Variants in SCMH1 observed in about 807,000 individuals in gnomAD.
SCMH1 encodes the protein polycomb protein SCMH1.
A neutral mutation model predicts 70.8 loss-of-function variants in SCMH1; 37 were observed. The ratio of observed to expected loss-of-function variants is 0.52; its 90% CI spans 0.40 to 0.69. The LOEUF is 0.69. Among genes scored for constraint, SCMH1 ranks in the 30% least tolerant of loss-of-function variants. The pLI is 0.00. For synonymous variants in SCMH1, 292 were observed against 307.4 expected, an observed-to-expected ratio of 0.95 and a Z score of 0.52; for missense variants, 607 against 827.3, an observed-to-expected ratio of 0.73 and a Z score of 3.27.
chr1:41,227,435 T>G (rs1420015501), intron 1 of SCMH1, among the ~76,000 whole-genome samples: 1 of 152,212 alleles, frequency 6.6e-6, no homozygotes, highest in African/African-American at 2.4e-5. Flanking sequence ...GAAAGGAAAT[T>G]CTGACACACG....
intron 4 of SCMH1, chr1:41,152,726 C>T (rs1645179173): frequency 6.2e-7 from 1 of 1,605,274 alleles, no homozygotes; most frequent in South Asian, 1.1e-5. Context: ...TTGGGCCATG[C>T]AAAAAGCACT....
intron 1 of SCMH1, among the ~76,000 whole-genome samples, chr1:41,237,270 G>T (rs10493094): frequency 0.078 from 11,872 of 152,142 alleles, 596 homozygotes; most frequent in South Asian, 0.13. Flanking sequence ...GTGAGATCTT[G>T]TATGTTTCTT....
chr1:41,183,070 C>G (rs973082142), intron 2 of SCMH1, among the ~76,000 whole-genome samples: 1 of 152,164 alleles, frequency 6.6e-6, no homozygotes, highest in Non-Finnish European at 1.5e-5. Context: ...TCTTTCTTCT[C>G]TGGCAGTCCC....
At chr1:41,039,917 A>C (rs1645878913) in intron 12 of SCMH1, among the ~76,000 whole-genome samples, 1 of 151,608 alleles carries the variant, frequency 6.6e-6, no homozygotes, top group Non-Finnish European at 1.5e-5. Context: ...GAGTGTATAC[A>C]AATTTTATAT....
intron 1 of SCMH1, among the ~76,000 whole-genome samples, chr1:41,205,431 T>C (rs1182347582): frequency 1.3e-5 from 2 of 152,226 alleles, no homozygotes; most frequent in Non-Finnish European, 2.9e-5. Flanking sequence ...CATGGAGCCT[T>C]GCTCACTGCT....
chr1:41,210,791 G>C (rs999458758), intron 1 of SCMH1, among the ~76,000 whole-genome samples: 1 of 151,864 alleles, frequency 6.6e-6, no homozygotes, highest in Admixed American at 6.6e-5. Context: ...TCAGGATATA[G>C]GCATGGGCAA....
At chr1:41,210,745 CA>C (rs1170773996) in intron 1 of SCMH1, among the ~76,000 whole-genome samples, 1 of 151,468 alleles carries the variant, frequency 6.6e-6, no homozygotes, top group Non-Finnish European at 1.5e-5. Flanking sequence ...GACCTAAAAC[CA>C]TAAAAACCCT....
chr1:41,112,020 G>T (rs1444330257), intron 8 of SCMH1, among the ~76,000 whole-genome samples: 1 of 151,822 alleles, frequency 6.6e-6, no homozygotes, highest in Non-Finnish European at 1.5e-5. Context: ...TTTCAATAGG[G>T]CTATTAAACA....
chr1:41,218,535 G>A (rs1453984751), intron 1 of SCMH1, among the ~76,000 whole-genome samples: 1 of 152,160 alleles, frequency 6.6e-6, no homozygotes, highest in Non-Finnish European at 1.5e-5. Context: ...GTCTCTGAGG[G>A]AGCATGGCCT....
At chr1:41,072,914 G>A (rs1284290500) in intron 9 of SCMH1, among the ~76,000 whole-genome samples, 1 of 152,112 alleles carries the variant, frequency 6.6e-6, no homozygotes, top group African/African-American at 2.4e-5. Context: ...CACAGGTGAA[G>A]TGGAAGGCAT....
At chr1:41,225,031 T>A (rs1659995256) in intron 1 of SCMH1, among the ~76,000 whole-genome samples, 1 of 152,112 alleles carries the variant, frequency 6.6e-6, no homozygotes, top group South Asian at 2.1e-4. Context: ...AGGTCACTCA[T>A]AAAACTGAAA....
At chr1:41,091,131 C>T (rs969138073) in intron 8 of SCMH1, among the ~76,000 whole-genome samples, 1 of 151,750 alleles carries the variant, frequency 6.6e-6, no homozygotes, top group Non-Finnish European at 1.5e-5. Context: ...ATGCAAAAAT[C>T]CTCAATAAAA....
intron 10 of SCMH1, among the ~76,000 whole-genome samples, chr1:41,051,076 A>T (rs1647951172): frequency 6.6e-6 from 1 of 152,214 alleles, no homozygotes; most frequent in Admixed American, 6.5e-5. Context: ...TCCACCAAAA[A>T]GAGAAGAGAT....
At chr1:41,028,749 C>T (rs928047608) in intron 13 of SCMH1, 23 bp from the exon 15 acceptor site, 4 of 1,612,568 alleles carry the variant, frequency 2.5e-6, no homozygotes, top group African/African-American at 2.7e-5. Context: ...AGGGCACCTA[C>T]CATAAAGGGC....
chr1:41,028,581 T>A lies in SCMH1; in HGVS notation c.1821+3A>T. The stretch of plus-strand genomic sequence containing the variant: ...TACTGAGAGGTCAGGCAGCAGCACC[T>A]ACGTGTTTGCGAAACAGGTCAGCGT... On this transcript the variant is annotated splice_donor_region_variant and intron_variant, in intron 14 of 14. Transcript: ENST00000337495. 6.2e-7 allele frequency: 1 copy of A among 1,614,134 alleles called. No individual in the cohort carries two copies. The highest frequency in any genetic ancestry group is 8.5e-7 in the Non-Finnish European group (1 of 1,180,018).
chr1:41,108,308 T>G (rs986786138), intron 8 of SCMH1, among the ~76,000 whole-genome samples: 23 of 152,348 alleles, frequency 1.5e-4, no homozygotes, highest in Admixed American at 2.0e-4. Flanking sequence ...GGTCTCATGT[T>G]GTCTCGCTGC....
chr1:41,118,754 A>C (rs1373290456), intron 6 of SCMH1, among the ~76,000 whole-genome samples: 1 of 152,248 alleles, frequency 6.6e-6, no homozygotes, highest in East Asian at 1.9e-4. Context: ...TAGAGCCCCA[A>C]GTGCTTCTTT....
intron 1 of SCMH1, among the ~76,000 whole-genome samples, chr1:41,227,852 C>T (rs564961008): frequency 6.6e-6 from 1 of 152,230 alleles, no homozygotes; most frequent in Non-Finnish European, 1.5e-5. Flanking sequence ...GTGGTGTGCA[C>T]CTGTAATCCC....
intron 2 of SCMH1, among the ~76,000 whole-genome samples, chr1:41,176,189 CAAAAAA>C (rs61348122): frequency 2.7e-5 from 3 of 109,960 alleles, no homozygotes; most frequent in Non-Finnish European, 5.5e-5. Flanking sequence ...CCAAAAAAAA[CAAAAAA>C]AAAACAAAAA....
Sources: gnomAD v4.1 joint callset for allele counts (sites outside exome capture counted in the v4.1 genomes callset) on GRCh38, gnomAD v4.1.1 for gene constraint, MANE v1.5 for transcripts, NCBI Gene and HGNC (gene_info 2026-07-23, HGNC 2026-07-21) for gene names.